The following TSPAN5 variants were observed in gnomAD, a reference collection of about 807,000 sequenced individuals.
The protein encoded by TSPAN5 is tetraspanin-5.
TSPAN5 carries 10 observed loss-of-function variants against 37.1 expected under a neutral mutation model. That is an observed-to-expected ratio of 0.27 (90% confidence interval 0.17 to 0.46). The LOEUF (loss-of-function observed/expected upper bound fraction) is 0.46. TSPAN5 is among the 20% of genes least tolerant of loss of function. The pLI, the probability that TSPAN5 is intolerant of heterozygous loss-of-function variation, is 1.00. For synonymous variants in TSPAN5, 110 were observed against 118.9 expected (o/e 0.93, Z 0.48); for missense variants, 195 against 326.6 (o/e 0.60, Z 3.11).
At chr4:98,530,931 C>T (rs1046137299) in intron 1 of TSPAN5, among the ~76,000 whole-genome samples, 7 of 151,950 alleles carry the variant, frequency 4.6e-5, no homozygotes, top group African/African-American at 1.2e-4. Context: ...TTTTAAAAGA[C>T]GGTCTCACTA....
intron 2 of TSPAN5, among the ~76,000 whole-genome samples, chr4:98,494,189 G>C (rs1355945706): frequency 6.6e-6 from 1 of 152,084 alleles, no homozygotes; most frequent in Admixed American, 6.5e-5. Context: ...CAGCCACTTA[G>C]ACTAGCCTGC....
chr4:98,486,965 C>A, intron 2 of TSPAN5, 81 bp from the exon 3 acceptor site: 1 of 1,465,678 alleles, frequency 6.8e-7, no homozygotes, highest in South Asian at 1.3e-5. Context: ...TGCATTTGTC[C>A]TTTCCCCTCC....
chr4:98,602,942 G>A (rs569611042), intron 1 of TSPAN5, among the ~76,000 whole-genome samples: 42 of 152,302 alleles, frequency 2.8e-4, no homozygotes, highest in African/African-American at 8.2e-4. Context: ...GGAATATGGC[G>A]AGAAGGTGGC....
chr4:98,533,187 G>A (rs1432927938), intron 1 of TSPAN5, among the ~76,000 whole-genome samples: 1 of 152,142 alleles, frequency 6.6e-6, no homozygotes, highest in Non-Finnish European at 1.5e-5. Context: ...TTGGTAACAG[G>A]ATGATGCTAG....
At chr4:98,639,648 C>A (rs963604372) in intron 1 of TSPAN5, among the ~76,000 whole-genome samples, 1 of 152,144 alleles carries the variant, frequency 6.6e-6, no homozygotes, top group African/African-American at 2.4e-5. Context: ...CTGTTTACTC[C>A]AATATCACAG....
intron 1 of TSPAN5, among the ~76,000 whole-genome samples, chr4:98,537,460 C>T (rs1423945870): frequency 6.6e-6 from 1 of 152,204 alleles, no homozygotes; most frequent in Non-Finnish European, 1.5e-5. Flanking sequence ...CCAGAAGCCA[C>T]TTTTCTATTT....
chr4:98,620,327 C>T (rs1453757814), intron 1 of TSPAN5, among the ~76,000 whole-genome samples: 1 of 152,118 alleles, frequency 6.6e-6, no homozygotes, highest in Non-Finnish European at 1.5e-5. Flanking sequence ...GTCAACAGTC[C>T]CCGCTGAGGC....
At chr4:98,600,702 C>T (rs1755864000) in intron 1 of TSPAN5, among the ~76,000 whole-genome samples, 1 of 152,184 alleles carries the variant, frequency 6.6e-6, no homozygotes, top group Admixed American at 6.5e-5. Flanking sequence ...TTGGATCCCT[C>T]AAAGACATCC....
intron 3 of TSPAN5, chr4:98,486,511 A>C (rs1752961861): frequency 1.9e-6 from 1 of 522,368 alleles, no homozygotes. Context: ...TATGCACAAA[A>C]CCTCCATGGA....
chr4:98,645,756 T>C (rs1032358482), intron 1 of TSPAN5, among the ~76,000 whole-genome samples: 1 of 152,270 alleles, frequency 6.6e-6, no homozygotes, highest in South Asian at 2.1e-4. Context: ...TCACAACCCA[T>C]CTGAGGACCA....
chr4:98,556,341 G>A (rs1203499157), intron 1 of TSPAN5, among the ~76,000 whole-genome samples: 1 of 152,136 alleles, frequency 6.6e-6, no homozygotes, highest in Non-Finnish European at 1.5e-5. Flanking sequence ...AACTTGCTCT[G>A]ATGATAAAGC....
chr4:98,623,473 T>A (rs1225550689), intron 1 of TSPAN5, among the ~76,000 whole-genome samples: 1 of 152,188 alleles, frequency 6.6e-6, no homozygotes, highest in African/African-American at 2.4e-5. Flanking sequence ...TGTAATAATA[T>A]CCTCTGTCCC....
At chr4:98,536,655 C>T (rs955088072) in intron 1 of TSPAN5, among the ~76,000 whole-genome samples, 5 of 152,180 alleles carry the variant, frequency 3.3e-5, no homozygotes, top group Non-Finnish European at 5.9e-5. Flanking sequence ...ATCTATAAGT[C>T]CCTGACTGGG....
intron 1 of TSPAN5, among the ~76,000 whole-genome samples, chr4:98,622,027 C>G (rs970950545): frequency 2.2e-4 from 33 of 152,266 alleles, no homozygotes; most frequent in African/African-American, 7.9e-4. Context: ...GGACAATTAT[C>G]TGAGCTGTTT....
chr4:98,527,445 C>T lies in TSPAN5; in HGVS notation c.82-19717G>A, dbSNP rs149314087. ...AACCAAGAGTTAAAACTGCTCTTAACGACCCTAAAAATATTTCAGTGAAGG... is the reference window on the plus strand; with the variant it reads ...AACCAAGAGTTAAAACTGCTCTTAATGACCCTAAAAATATTTCAGTGAAGG... On this transcript the variant is annotated intron_variant, in intron 1 of 7. Coordinates refer to ENST00000305798, the MANE Select transcript of TSPAN5 (RefSeq NM_005723.4). 8.5e-5 allele frequency among the ~76,000 whole-genome samples: 13 copies of T among 152,274 alleles called. 1 individual carries two copies. Among genetic ancestry groups the T allele is most frequent in the African/African-American group, 2.9e-4 (12 of 41,556 alleles).
In TSPAN5 at chr4:98,638,590, G is replaced by A. The variant is rs147156290; in HGVS notation, c.81+19556C>T. Among the ~76,000 whole-genome samples, 47 of 152,296 alleles carry A rather than the reference G, an allele frequency of 3.1e-4. No individual in the cohort carries two copies. In the East Asian group the frequency reaches 7.5e-3, roughly 24 times the overall value. On this transcript the variant is annotated intron_variant, in intron 1 of 7. Coordinates refer to ENST00000305798, the MANE Select transcript of TSPAN5 (RefSeq NM_005723.4). ...AAAAATTACAATGGATACAGATGAA[G>A]AGATTCACAGGTAAAGGTATGGGGC... is the stretch of plus-strand genomic sequence containing the variant.
intron 1 of TSPAN5, among the ~76,000 whole-genome samples, chr4:98,544,917 G>A (rs559115477): frequency 6.6e-6 from 1 of 152,326 alleles, no homozygotes; most frequent in East Asian, 1.9e-4. Flanking sequence ...AGGGATGGTG[G>A]AAGTGTGTGA....
intron 1 of TSPAN5, among the ~76,000 whole-genome samples, chr4:98,556,797 T>C (rs574502470): frequency 2.0e-5 from 3 of 152,322 alleles, no homozygotes; most frequent in Admixed American, 6.5e-5. Flanking sequence ...CAGTGGGGAC[T>C]ACTGGGCTGG....
chr4:98,575,484 A>T (rs551474394), intron 1 of TSPAN5, among the ~76,000 whole-genome samples: 6 of 151,306 alleles, frequency 4.0e-5, no homozygotes, highest in African/African-American at 1.5e-4. Context: ...GAAAGCCCCC[A>T]GTGAACCTTG....
Sources: allele counts gnomAD v4.1 joint callset (sites outside exome capture counted in the v4.1 genomes callset), GRCh38; gene constraint gnomAD v4.1.1; transcripts MANE v1.5; gene names NCBI Gene and HGNC (gene_info 2026-07-23, HGNC 2026-07-21).